The following NALF1 variants were observed in gnomAD, a reference collection of about 807,000 sequenced individuals.
NALF1 encodes NALCN channel auxiliary factor 1, also known as family with sequence similarity 155 member A.
In NALF1, 3 loss-of-function variants were observed where a neutral mutation model predicts 48.4. The observed-to-expected ratio is 0.06, with a 90% CI of 0.03 to 0.16. The LOEUF (loss-of-function observed/expected upper bound fraction) is 0.16, where lower values mean the gene tolerates loss of function less well. NALF1 is among the 10% of genes least tolerant of loss of function. The probability of loss-of-function intolerance (pLI) is 1.00; values close to 1 mark genes in which losing one functional copy is unlikely to be tolerated. For missense variants in NALF1, 526 were observed against 571.5 expected, an observed-to-expected ratio of 0.92 and a Z score of 0.81; for synonymous variants, 262 against 245.7, an observed-to-expected ratio of 1.07 and a Z score of -0.62.
At chr13:107,684,546 G>C (rs1881385331) in intron 1 of NALF1, among the ~76,000 whole-genome samples, 1 of 152,166 alleles carries the variant, frequency 6.6e-6, no homozygotes, top group South Asian at 2.1e-4. Context: ...TCTGGGGATA[G>C]AGTGGGCCAG....
At chr13:107,544,752 C>A (rs1254813312) in intron 1 of NALF1, among the ~76,000 whole-genome samples, 1 of 152,170 alleles carries the variant, frequency 6.6e-6, no homozygotes, top group South Asian at 2.1e-4. Context: ...ACAGGACTTT[C>A]ATCCCTGCCT....
chr13:107,232,723 A>G, intron 1 of NALF1, among the ~76,000 whole-genome samples: 1 of 152,222 alleles, frequency 6.6e-6, no homozygotes, highest in East Asian at 1.9e-4. Context: ...ACAGGGAGCT[A>G]AAATTCCATG....
intron 1 of NALF1, among the ~76,000 whole-genome samples, chr13:107,274,159 G>A (rs1056288068): frequency 1.3e-5 from 2 of 152,120 alleles, no homozygotes; most frequent in Non-Finnish European, 2.9e-5. Flanking sequence ...CTATGCAAAT[G>A]GGAGACAATA....
At chr13:107,286,947 A>G (rs1284005018) in intron 1 of NALF1, among the ~76,000 whole-genome samples, 2 of 152,242 alleles carry the variant, frequency 1.3e-5, no homozygotes, top group African/African-American at 4.8e-5. Context: ...ATAATTTTAA[A>G]GAGATGTTTT....
chr13:107,591,365 G>A (rs1878598814), intron 1 of NALF1, among the ~76,000 whole-genome samples: 1 of 151,984 alleles, frequency 6.6e-6, no homozygotes, highest in Admixed American at 6.6e-5. Flanking sequence ...TCAGCATTGA[G>A]ACTTCTTCAG....
intron 1 of NALF1, among the ~76,000 whole-genome samples, chr13:107,733,801 C>T (rs1876383912): frequency 6.6e-6 from 1 of 152,086 alleles, no homozygotes; most frequent in South Asian, 2.1e-4. Context: ...TAGGACACAA[C>T]TTATATCTAT....
intron 1 of NALF1, among the ~76,000 whole-genome samples, chr13:107,859,736 C>A (rs1221460201): frequency 6.6e-6 from 1 of 151,878 alleles, no homozygotes; most frequent in African/African-American, 2.4e-5. Flanking sequence ...AACACCATCT[C>A]TACTAAAAAT....
chr13:107,844,911 T>C (rs1880132102), intron 1 of NALF1, among the ~76,000 whole-genome samples: 1 of 152,154 alleles, frequency 6.6e-6, no homozygotes, highest in Non-Finnish European at 1.5e-5. Flanking sequence ...ATGTTTATGA[T>C]ACTAAAACTA....
chr13:107,840,586 A>C (rs1880016984), intron 1 of NALF1, among the ~76,000 whole-genome samples: 1 of 152,226 alleles, frequency 6.6e-6, no homozygotes. Context: ...AAATGCACAC[A>C]GACATTCAGT....
intron 1 of NALF1, among the ~76,000 whole-genome samples, chr13:107,803,783 T>C (rs944502680): frequency 6.6e-6 from 1 of 152,122 alleles, no homozygotes; most frequent in Non-Finnish European, 1.5e-5. Context: ...ACCAGGCAAT[T>C]GCATCTGAAT....
intron 1 of NALF1, among the ~76,000 whole-genome samples, chr13:107,484,716 A>G (rs1234553149): frequency 1.3e-5 from 2 of 152,202 alleles, no homozygotes. Flanking sequence ...TCCAGAAGAT[A>G]TTCTGATATT....
intron 1 of NALF1, among the ~76,000 whole-genome samples, chr13:107,239,222 T>C (rs923248908): frequency 1.3e-5 from 2 of 152,198 alleles, no homozygotes; most frequent in South Asian, 4.1e-4. Flanking sequence ...TCTCTCACAG[T>C]TATGGATGCT....
chr13:107,180,711 C>G (rs1289660712), intron 2 of NALF1, among the ~76,000 whole-genome samples: 2 of 151,612 alleles, frequency 1.3e-5, no homozygotes, highest in African/African-American at 4.8e-5. Flanking sequence ...AGCTACTTTG[C>G]TGTTCTTTGA....
At chr13:107,485,841 A>C (rs1354194653) in intron 1 of NALF1, among the ~76,000 whole-genome samples, 1 of 152,100 alleles carries the variant, frequency 6.6e-6, no homozygotes, top group Admixed American at 6.6e-5. Flanking sequence ...AGTTCCCTCA[A>C]CTCTTCTGCA....
rs561097419 is a variant in NALF1 at position 107,757,099 on chromosome 13, G to A, written c.915+108583C>T. Among the ~76,000 whole-genome samples, 384 of 152,338 alleles carry A rather than the reference G, an allele frequency of 2.5e-3. 2 individuals carry two copies. Among genetic ancestry groups the A allele is most frequent in the Non-Finnish European group, 4.2e-3 (288 of 68,034 alleles). ...ACAAACCTTGCTCATACAAGCTTCT[G>A]ATGAGATGCAAGAAATAGCCCATGC... On this transcript the variant is annotated intron_variant, in intron 1 of 2. Transcript: ENST00000375915.
intron 1 of NALF1, among the ~76,000 whole-genome samples, chr13:107,631,656 C>T (rs965434210): frequency 6.6e-6 from 1 of 152,038 alleles, no homozygotes; most frequent in African/African-American, 2.4e-5. Context: ...ACTTGGCTGG[C>T]CAATTGCATT....
chr13:107,728,008 C>T (rs528913942), intron 1 of NALF1, among the ~76,000 whole-genome samples: 37 of 152,176 alleles, frequency 2.4e-4, no homozygotes, highest in Admixed American at 1.2e-3. Flanking sequence ...CCAGTTAGAA[C>T]GGTGATCATC....
At chr13:107,844,880 C>G (rs1379687575) in intron 1 of NALF1, among the ~76,000 whole-genome samples, 1 of 152,160 alleles carries the variant, frequency 6.6e-6, no homozygotes, top group Non-Finnish European at 1.5e-5. Context: ...GGATACCCAA[C>G]AGTTGGTTCT....
intron 1 of NALF1, among the ~76,000 whole-genome samples, chr13:107,709,103 GTATTT>G (rs1236767273): frequency 6.6e-6 from 1 of 152,164 alleles, no homozygotes; most frequent in African/African-American, 2.4e-5. Flanking sequence ...ATACTTTAGA[GTATTT>G]GTTTCAGTTG....
Sources: gnomAD v4.1 joint callset for allele counts (sites outside exome capture counted in the v4.1 genomes callset) on GRCh38, gnomAD v4.1.1 for gene constraint, MANE v1.5 for transcripts, NCBI Gene and HGNC (gene_info 2026-07-23, HGNC 2026-07-21) for gene names.